Variants in CHCHD6 observed in about 807,000 individuals in gnomAD.
CHCHD6 encodes MICOS complex subunit MIC25.
In CHCHD6, 28 loss-of-function variants were observed where a neutral mutation model predicts 32.3. That is an observed-to-expected ratio of 0.87 (90% confidence interval 0.64 to 1.19). The LOEUF (loss-of-function observed/expected upper bound fraction) is 1.19. CHCHD6 is among the 50% of genes most tolerant of loss of function. CHCHD6 has a pLI of 0.00. For synonymous variants in CHCHD6, 122 were observed against 117.5 expected, an observed-to-expected ratio of 1.04 and a Z score of -0.25; for missense variants, 333 against 307.0, an observed-to-expected ratio of 1.08 and a Z score of -0.63.
intron 6 of CHCHD6, among the ~76,000 whole-genome samples, chr3:126,920,053 T>C (rs761392219): frequency 2.0e-5 from 3 of 152,184 alleles, no homozygotes; most frequent in Non-Finnish European, 2.9e-5. Context: ...TTTCTGGTTT[T>C]CCTCATTTAA....
intron 6 of CHCHD6, among the ~76,000 whole-genome samples, chr3:126,916,253 T>C (rs2078168313): frequency 6.6e-6 from 1 of 151,892 alleles, no homozygotes; most frequent in African/African-American, 2.4e-5. Context: ...ATACGAAAAT[T>C]AGCCGGATGT....
intron 4 of CHCHD6, among the ~76,000 whole-genome samples, chr3:126,740,725 A>G: frequency 6.6e-6 from 1 of 152,198 alleles, no homozygotes; most frequent in Non-Finnish European, 1.5e-5. Context: ...GAGAATTGGA[A>G]TAATTAGTTG....
At chr3:126,933,983 T>A (rs1418234532) in intron 6 of CHCHD6, among the ~76,000 whole-genome samples, 1 of 152,202 alleles carries the variant, frequency 6.6e-6, no homozygotes, top group African/African-American at 2.4e-5. Flanking sequence ...ACCAGAGAGC[T>A]TGCCCGTTCT....
At chr3:126,846,311 A>G (rs1941294597) in intron 4 of CHCHD6, among the ~76,000 whole-genome samples, 1 of 152,226 alleles carries the variant, frequency 6.6e-6, no homozygotes, top group Admixed American at 6.5e-5. Context: ...GTTGAATATT[A>G]TAGCTGCCTG....
intron 5 of CHCHD6, among the ~76,000 whole-genome samples, chr3:126,882,283 G>A (rs1252992126): frequency 6.6e-6 from 1 of 152,128 alleles, no homozygotes; most frequent in Non-Finnish European, 1.5e-5. Flanking sequence ...TTGCCTCATC[G>A]TCTCTAACCT....
At chr3:126,838,462 C>G (rs1257745442) in intron 4 of CHCHD6, among the ~76,000 whole-genome samples, 1 of 152,214 alleles carries the variant, frequency 6.6e-6, no homozygotes, top group Non-Finnish European at 1.5e-5. Context: ...TCTGCCCCTC[C>G]TCACTCTTCC....
In CHCHD6 at chr3:126,854,193, C is replaced by T. The variant is rs559005358; in HGVS notation, c.495+1463C>T. ...AGGAAATTCTGGATGAGTCTTCTTG[C>T]TCTTCATTAAGTGAAGTCCAAACTC... On this transcript the variant is annotated intron_variant, in intron 5 of 7. Coordinates refer to ENST00000290913, the MANE Select transcript of CHCHD6 (RefSeq NM_032343.3). Among the ~76,000 whole-genome samples, 20 of 152,338 alleles carry T rather than the reference C, an allele frequency of 1.3e-4. No homozygotes were observed. The East Asian group carries it at 3.5e-3, about 26-fold the overall frequency.
rs138549660 is a variant in CHCHD6, at chr3:126,895,375, G to A, written c.496-19305G>A. 3.5e-3 allele frequency among the ~76,000 whole-genome samples: 535 copies of A among 152,280 alleles called. 1 individual carries two copies. The highest frequency in any genetic ancestry group is 6.0e-3 in the Non-Finnish European group (408 of 68,034). On this transcript the variant is annotated intron_variant, in intron 5 of 7. Transcript: ENST00000290913. ...GTGACAGATAGGAATGACCATTACCGGCTGGCTGCATTTCATCAGCAGCAG... is the reference window on the plus strand; with the variant it reads ...GTGACAGATAGGAATGACCATTACCAGCTGGCTGCATTTCATCAGCAGCAG...
At chr3:126,720,376 A>G (rs1004411623) in intron 1 of CHCHD6, among the ~76,000 whole-genome samples, 27 of 152,034 alleles carry the variant, frequency 1.8e-4, no homozygotes, top group African/African-American at 4.8e-4. Flanking sequence ...AGGACACCCA[A>G]CCGGGGCTTC....
At chr3:126,716,837 A>G (rs1935042237) in intron 1 of CHCHD6, among the ~76,000 whole-genome samples, 1 of 152,070 alleles carries the variant, frequency 6.6e-6, no homozygotes, top group Admixed American at 6.6e-5. Context: ...GGCTGGTTCC[A>G]GACAGGGGAG....
In CHCHD6 at chr3:126,913,207, C is replaced by CTTTTTTTTTTTTTTTTT. The variant is rs546179022; in HGVS notation, c.496-1452_496-1436dup. 1.5e-4 allele frequency among the ~76,000 whole-genome samples: 5 copies of CTTTTTTTTTTTTTTTTT among 33,784 alleles called. 1 individual carries two copies. The highest frequency in any genetic ancestry group is 6.5e-4 in the African/African-American group (5 of 7,642). 22.2% of individuals were successfully genotyped at this position (33,784 alleles called of 152,430 possible). ...GGATAATCATGCTGCCCGTATGAGCCTTTTTTTTTTTTTTTTTTTTTTTTT... is the reference window on the plus strand; with the variant it reads ...GGATAATCATGCTGCCCGTATGAGCCTTTTTTTTTTTTTTTTTTTTTTTTTTTTTTTTTTTTTTTTTT... On this transcript the variant is annotated intron_variant, in intron 5 of 7. Transcript: ENST00000290913.
intron 4 of CHCHD6, among the ~76,000 whole-genome samples, chr3:126,776,478 A>G (rs1017589277): frequency 3.9e-5 from 6 of 152,188 alleles, no homozygotes; most frequent in Non-Finnish European, 5.9e-5. Flanking sequence ...ACCTGTGACC[A>G]GTCCTGCACA....
At chr3:126,813,455 C>T (rs1475993433) in intron 4 of CHCHD6, among the ~76,000 whole-genome samples, 3 of 152,218 alleles carry the variant, frequency 2.0e-5, no homozygotes, top group Non-Finnish European at 4.4e-5. Flanking sequence ...GCGACTAACT[C>T]TCCATTATCT....
intron 4 of CHCHD6, among the ~76,000 whole-genome samples, chr3:126,741,958 G>T (rs890540408): frequency 2.0e-5 from 3 of 152,152 alleles, no homozygotes; most frequent in African/African-American, 7.2e-5. Flanking sequence ...TGCAGCTCCT[G>T]CCTAGATGAA....
At chr3:126,767,425 A>G in intron 4 of CHCHD6, 1 of 717,894 alleles carries the variant, frequency 1.4e-6, no homozygotes, top group South Asian at 1.4e-5. Context: ...TCTTGGTGTC[A>G]CCATGTCCCA....
chr3:126,715,360 G>T (rs1010212233), intron 1 of CHCHD6, among the ~76,000 whole-genome samples: 2 of 152,154 alleles, frequency 1.3e-5, no homozygotes, highest in Non-Finnish European at 2.9e-5. Flanking sequence ...CTGGAGCCTG[G>T]CATATGGAGT....
Position 126,960,277 on chromosome 3 carries a change from T to C in CHCHD6, c.*76T>C. 6.5e-7 allele frequency: 1 copy of C among 1,531,446 alleles called. No individual in the cohort carries two copies. Among genetic ancestry groups the C allele is most frequent in the Non-Finnish European group, 8.8e-7 (1 of 1,130,482 alleles). 94.9% of individuals were successfully genotyped at this position (1,531,446 alleles called of 1,614,324 possible). On this transcript the variant is annotated 3_prime_UTR_variant, in exon 8 of 8. Coordinates refer to ENST00000290913, the MANE Select transcript of CHCHD6 (RefSeq NM_032343.3). The stretch of plus-strand genomic sequence containing the variant: ...GGACCAATCATGGGACCACAGCCAC[T>C]GTGCCCTGCCGTTTCCTGCTGGGCC...
intron 4 of CHCHD6, among the ~76,000 whole-genome samples, chr3:126,780,975 G>A (rs971695527): frequency 1.3e-5 from 2 of 152,134 alleles, no homozygotes; most frequent in Admixed American, 1.3e-4. Flanking sequence ...AAGCAGGAAA[G>A]ACACTTCTCC....
At chr3:126,808,938 A>G (rs192769747) in intron 4 of CHCHD6, among the ~76,000 whole-genome samples, 1 of 151,600 alleles carries the variant, frequency 6.6e-6, no homozygotes, top group Non-Finnish European at 1.5e-5. Context: ...TGCATTGAGC[A>G]TACCCAAAAC....
Sources: gnomAD v4.1 joint callset for allele counts (sites outside exome capture counted in the v4.1 genomes callset) on GRCh38, gnomAD v4.1.1 for gene constraint, MANE v1.5 for transcripts, NCBI Gene and HGNC (gene_info 2026-07-23, HGNC 2026-07-21) for gene names.